The following PLCB4 variants were observed in gnomAD, a reference collection of about 807,000 sequenced individuals.
PLCB4 encodes the protein phospholipase C beta 4, also known as 1-phosphatidylinositol 4,5-bisphosphate phosphodiesterase beta-4.
In PLCB4, 77 loss-of-function variants were observed where a neutral mutation model predicts 178.8. That is an observed-to-expected ratio of 0.43 (90% CI 0.36 to 0.52). The LOEUF is 0.52. Among genes scored for constraint, PLCB4 ranks in the 20% least tolerant of loss-of-function variants. The pLI, the probability that PLCB4 is intolerant of heterozygous loss-of-function variation, is 0.00. For missense variants in PLCB4, 1,024 were observed against 1,453.4 expected (o/e 0.70, Z 4.80); for synonymous variants, 496 against 490.8 (o/e 1.01, Z -0.14).
At chr20:9,243,748 G>T (rs985109831) in intron 3 of PLCB4, among the ~76,000 whole-genome samples, 1 of 152,174 alleles carries the variant, frequency 6.6e-6, no homozygotes, top group Non-Finnish European at 1.5e-5. Context: ...AGACCGCATG[G>T]ATTCAAATCC....
chr20:9,388,093 C>T lies in PLCB4; in HGVS notation c.1158+537C>T, dbSNP rs564419321. On this transcript the variant is annotated intron_variant, in intron 15 of 39. Transcript: ENST00000378473. ...GTCTCTACCAAAAATGCAAAATTAG[C>T]TGGGCATGGTGGCACATGCCTGTAA... Among the ~76,000 whole-genome samples the T allele has an allele frequency of 2.0e-5, 3 of 152,202 alleles. No individual in the cohort carries two copies. The East Asian group carries it at 5.8e-4, about 30-fold the overall frequency.
intron 25 of PLCB4, among the ~76,000 whole-genome samples, chr20:9,415,091 T>C (rs2148534751): frequency 6.6e-6 from 1 of 152,366 alleles, no homozygotes; most frequent in South Asian, 2.1e-4. Flanking sequence ...GGAACAGTTA[T>C]AACAATATAG....
chr20:9,107,652 G>A (rs1193402867), intron 2 of PLCB4, among the ~76,000 whole-genome samples: 14 of 152,024 alleles, frequency 9.2e-5, no homozygotes, highest in Non-Finnish European at 1.8e-4. Context: ...TGGGCAGGAG[G>A]GTGGCGTAGG....
intron 2 of PLCB4, among the ~76,000 whole-genome samples, chr20:9,119,005 T>C (rs2091873608): frequency 6.6e-6 from 1 of 152,212 alleles, no homozygotes; most frequent in South Asian, 2.1e-4. Flanking sequence ...ACTTGATGCC[T>C]AACTGTGTTG....
chr20:9,164,561 A>G (rs970574762), intron 2 of PLCB4, among the ~76,000 whole-genome samples: 3 of 152,170 alleles, frequency 2.0e-5, no homozygotes, highest in Non-Finnish European at 4.4e-5. Context: ...ACATTTTAAA[A>G]TTATATTAAA....
chr20:9,110,603 C>T (rs903642327), intron 2 of PLCB4, among the ~76,000 whole-genome samples: 1 of 152,168 alleles, frequency 6.6e-6, no homozygotes, highest in Non-Finnish European at 1.5e-5. Context: ...TTTCATAGGA[C>T]ACCAGAAATC....
intron 2 of PLCB4, among the ~76,000 whole-genome samples, chr20:9,201,512 C>T (rs1402828988): frequency 6.6e-6 from 1 of 152,060 alleles, no homozygotes; most frequent in Non-Finnish European, 1.5e-5. Context: ...GGAATCAGAT[C>T]TTCTGCATGT....
At position 9,213,217 on chromosome 20, in the gene PLCB4, T is replaced by C. The variant is rs2147252382; in HGVS notation, c.-78-4173T>C. 2.3e-5 allele frequency among the ~76,000 whole-genome samples: 3 copies of C among 131,968 alleles called. 1 individual carries two copies. 86.6% of individuals were successfully genotyped at this position (131,968 alleles called of 152,430 possible). A position where few individuals can be genotyped will look rare whatever the true frequency, so the allele number is the denominator to read the frequency against. ...GGCAGTGGTGCAGTGCAATCTCGGC[T>C]CACTACAAACTCTATCTCCCAGGTT... On this transcript the variant is annotated intron_variant, in intron 2 of 39. Coordinates refer to ENST00000378473, the MANE Select transcript of PLCB4 (RefSeq NM_001377142.1).
intron 17 of PLCB4, among the ~76,000 whole-genome samples, chr20:9,391,865 G>C (rs1001596800): frequency 7.2e-5 from 11 of 151,960 alleles, no homozygotes; most frequent in African/African-American, 2.7e-4. Flanking sequence ...TGCCTTCCAG[G>C]GTTTCCCAGC....
In PLCB4 at chr20:9,386,881, A is replaced by G. The variant is rs1602289523; in HGVS notation, c.1065-582A>G. The stretch of plus-strand genomic sequence containing the variant: ...ATTCATATTTCCCCAGTTGTCCCCA[A>G]CCAAATTGTCCTTTTTTTTTTTTTT... On this transcript the variant is annotated intron_variant, in intron 14 of 39. Coordinates refer to ENST00000378473, the MANE Select transcript of PLCB4 (RefSeq NM_001377142.1). Among the ~76,000 whole-genome samples the G allele has an allele frequency of 1.7e-5, 2 of 116,098 alleles. 1 individual carries two copies. Among genetic ancestry groups the G allele is most frequent in the Admixed American group, 2.0e-4 (2 of 10,146 alleles). 76.2% of individuals were successfully genotyped at this position (116,098 alleles called of 152,430 possible).
chr20:9,416,452 T>G (rs1394663302), intron 25 of PLCB4, among the ~76,000 whole-genome samples: 1 of 152,074 alleles, frequency 6.6e-6, no homozygotes, highest in East Asian at 1.9e-4. Flanking sequence ...ACAGCTGGGG[T>G]CCAAATGCTG....
chr20:9,443,968 T>C lies in PLCB4; in HGVS notation c.2765-13T>C. The C allele has an allele frequency of 6.7e-7, 1 of 1,501,872 alleles. No individual in the cohort carries two copies. Among genetic ancestry groups the C allele is most frequent in the Non-Finnish European group, 9.2e-7 (1 of 1,088,348 alleles). 93.0% of individuals were successfully genotyped at this position (1,501,872 alleles called of 1,614,324 possible). A position where few individuals can be genotyped will look rare whatever the true frequency, so the allele number is the denominator to read the frequency against. On this transcript the variant is annotated splice_polypyrimidine_tract_variant and intron_variant, in intron 30 of 39. Coordinates refer to ENST00000378473, the MANE Select transcript of PLCB4 (RefSeq NM_001377142.1). Reference sequence around the variant, plus strand: ...TAGTATACATAGTGACTTAATTTTTTTTGTTTGTTTAGGTATTGAACTTAT... The same window carrying C: ...TAGTATACATAGTGACTTAATTTTTCTTGTTTGTTTAGGTATTGAACTTAT...
At chr20:9,371,719 A>G (rs1030183273) in intron 10 of PLCB4, among the ~76,000 whole-genome samples, 1 of 152,234 alleles carries the variant, frequency 6.6e-6, no homozygotes, top group Non-Finnish European at 1.5e-5. Flanking sequence ...ATGGCTATGC[A>G]ATATTTTGTG....
intron 14 of PLCB4, among the ~76,000 whole-genome samples, chr20:9,385,044 A>G (rs2037465427): frequency 6.6e-6 from 1 of 152,190 alleles, no homozygotes; most frequent in Admixed American, 6.5e-5. Flanking sequence ...CATCTGTTTA[A>G]CAAAGCACAT....
chr20:9,449,374 A>C (rs1490866802), intron 32 of PLCB4, among the ~76,000 whole-genome samples: 1 of 152,136 alleles, frequency 6.6e-6, no homozygotes, highest in African/African-American at 2.4e-5. Context: ...GGGTCCAAGC[A>C]GGAAGTAGCT....
chr20:9,084,031 A>G (rs1210306113), intron 1 of PLCB4, among the ~76,000 whole-genome samples: 1 of 152,266 alleles, frequency 6.6e-6, no homozygotes, highest in African/African-American at 2.4e-5. Flanking sequence ...ACAAAGTATT[A>G]CAGACCAAAA....
At chr20:9,163,447 C>T (rs962695407) in intron 2 of PLCB4, among the ~76,000 whole-genome samples, 2 of 152,062 alleles carry the variant, frequency 1.3e-5, no homozygotes, top group African/African-American at 2.4e-5. Flanking sequence ...TAATTGGGAA[C>T]AGAGAGGTTG....
At chr20:9,156,697 G>A (rs963773992) in intron 2 of PLCB4, among the ~76,000 whole-genome samples, 4 of 152,104 alleles carry the variant, frequency 2.6e-5, no homozygotes, top group Admixed American at 1.3e-4. Context: ...ACATTCAAAA[G>A]CAATCAGATC....
intron 4 of PLCB4, among the ~76,000 whole-genome samples, chr20:9,319,561 C>A (rs901435165): frequency 6.6e-6 from 1 of 152,102 alleles, no homozygotes; most frequent in Non-Finnish European, 1.5e-5. Context: ...CCAGTTCAAA[C>A]CTGAAGGGCC....
Sources: allele counts gnomAD v4.1 joint callset (sites outside exome capture counted in the v4.1 genomes callset), GRCh38; gene constraint gnomAD v4.1.1; transcripts MANE v1.5; gene names NCBI Gene and HGNC (gene_info 2026-07-23, HGNC 2026-07-21).